Variants in SLCO4C1 observed in about 807,000 individuals in gnomAD.
SLCO4C1 encodes the protein organic anion transporter M1.
In SLCO4C1, 58 loss-of-function variants were observed where a neutral mutation model predicts 72.1. The observed-to-expected ratio is 0.80, with a 90% confidence interval of 0.65 to 1.00. The LOEUF is 1.00. SLCO4C1 is among the 50% of genes least tolerant of loss of function. The pLI is 0.00. For synonymous variants in SLCO4C1, 297 were observed against 312.5 expected (o/e 0.95, Z 0.52); for missense variants, 898 against 857.9 (o/e 1.05, Z -0.58).
intron 2 of SLCO4C1, among the ~76,000 whole-genome samples, chr5:102,287,938 G>A (rs1749486953): frequency 6.6e-6 from 1 of 151,888 alleles, no homozygotes. Context: ...CCTGAATTTT[G>A]TGTCTGTCAT....
rs562300474 is a variant in SLCO4C1 at position 102,237,162 on chromosome 5, A to G, written c.2015-144T>C. On this transcript the variant is annotated intron_variant, in intron 12 of 12. Coordinates refer to ENST00000310954, the MANE Select transcript of SLCO4C1 (RefSeq NM_180991.5). ...GTTCTATGTTTAAAATTTTTGAAACATTAAGGGGAAAGAAAAAACATTTGT... is the reference window on the plus strand; with the variant it reads ...GTTCTATGTTTAAAATTTTTGAAACGTTAAGGGGAAAGAAAAAACATTTGT... 19 of 847,992 alleles carry G rather than the reference A, an allele frequency of 2.2e-5. 1 individual carries two copies. In the South Asian group the frequency reaches 3.6e-4, roughly 16 times the overall value. The allele number at this position is 847,992 out of a possible 1,614,324, so 52.5% of individuals were successfully genotyped here.
chr5:102,249,702 C>T lies in SLCO4C1; in HGVS notation c.1556G>A (p.Gly519Glu). The T allele has an allele frequency of 1.2e-6, 2 of 1,613,950 alleles. No individual in the cohort carries two copies. The highest frequency in any genetic ancestry group is 1.7e-6 in the Non-Finnish European group (2 of 1,179,930). Reference protein sequence around the residue: ...RSYYYPVCGDGVQYFSPCFAG... With the variant: ...RSYYYPVCGDEVQYFSPCFAG... ...AAAGCAGGGAGAAAAATATTGGACT[C>T]CATCTCCACAGACAGGATAATAATA... Residue 519 changes from glycine to glutamate, a missense_variant, in exon 9 of 13, where the codon GGA becomes GAA. Gly to Glu is a moderately conservative substitution (Grantham distance 98). Transcript: ENST00000310954.
At chr5:102,270,361 G>A (rs1168136591) in intron 3 of SLCO4C1, among the ~76,000 whole-genome samples, 2 of 152,172 alleles carry the variant, frequency 1.3e-5, no homozygotes, top group South Asian at 2.1e-4. Flanking sequence ...TAAAGAGAAT[G>A]CTGCTTAAAT....
chr5:102,289,154 C>T (rs75957148), intron 2 of SLCO4C1, among the ~76,000 whole-genome samples: 6,921 of 152,180 alleles, frequency 0.045, 215 homozygotes, highest in African/African-American at 0.094. Flanking sequence ...CAATAATCTA[C>T]TAAAATAATG....
Position 102,291,592 on chromosome 5 carries a change from C to T in SLCO4C1, c.370G>A (p.Gly124Ser), listed in dbSNP as rs1749553754. Residue 124 changes from glycine to serine, a missense_variant, in exon 2 of 13, where the codon GGC becomes AGC. Physicochemically the swap from Gly to Ser is moderately conservative, Grantham distance 56 (BLOSUM62 0). Transcript: ENST00000310954. ...LAVTQGIVVN[G>S]LVNISISTVE... ...GTGGAAATGCTAATATTTACTAGGC[C>T]ATTAACTACAATACCTAAAAAACAG... is the stretch of plus-strand genomic sequence containing the variant. 3 of 1,610,782 alleles carry T rather than the reference C, an allele frequency of 1.9e-6. No homozygotes were observed. The highest frequency in any genetic ancestry group is 2.5e-6 in the Non-Finnish European group (3 of 1,178,648).
At chr5:102,255,934 G>A (rs888909847) in intron 8 of SLCO4C1, among the ~76,000 whole-genome samples, 2 of 151,376 alleles carry the variant, frequency 1.3e-5, no homozygotes, top group African/African-American at 2.4e-5. Flanking sequence ...GGCCGGGCGC[G>A]GTGGCTCACA....
intron 4 of SLCO4C1, among the ~76,000 whole-genome samples, chr5:102,263,096 C>T (rs930271311): frequency 5.3e-5 from 8 of 152,144 alleles, no homozygotes; most frequent in Admixed American, 5.2e-4. Flanking sequence ...TAGCCACTTA[C>T]CAACCTGTGC....
At chr5:102,293,614 A>G (rs928116218) in intron 1 of SLCO4C1, among the ~76,000 whole-genome samples, 2 of 152,250 alleles carry the variant, frequency 1.3e-5, no homozygotes, top group African/African-American at 4.8e-5. Flanking sequence ...AATTAAATGT[A>G]TATTTAAATA....
chr5:102,236,610 G>A lies in SLCO4C1; in HGVS notation c.*248C>T, dbSNP rs1017491101. 28 of 332,270 alleles carry A rather than the reference G, an allele frequency of 8.4e-5. No homozygotes were observed. The Admixed American group carries it at 1.6e-3, about 18-fold the overall frequency. 20.6% of individuals were successfully genotyped at this position (332,270 alleles called of 1,614,324 possible). On this transcript the variant is annotated 3_prime_UTR_variant, in exon 13 of 13. Transcript: ENST00000310954. Reference sequence around the variant, plus strand: ...TGTGTGTGTGTGTGTGTGTTCGTGTGTGTGTGTGTGTGTGTGCTCGTGTGT... The same window carrying A: ...TGTGTGTGTGTGTGTGTGTTCGTGTATGTGTGTGTGTGTGTGCTCGTGTGT...
intron 2 of SLCO4C1, among the ~76,000 whole-genome samples, chr5:102,281,627 A>G (rs1749357808): frequency 1.3e-5 from 2 of 152,134 alleles, no homozygotes. Context: ...ATGAAAAGAC[A>G]TTTCACCAAA....
intron 2 of SLCO4C1, among the ~76,000 whole-genome samples, chr5:102,284,934 A>G (rs952020487): frequency 2.0e-5 from 3 of 152,254 alleles, no homozygotes; most frequent in African/African-American, 7.2e-5. Context: ...TAGAGCACCT[A>G]GCATTTCATG....
chr5:102,285,212 T>TACACACACACAC (rs3070619), intron 2 of SLCO4C1, among the ~76,000 whole-genome samples: 1,794 of 147,930 alleles, frequency 0.012, 29 homozygotes, highest in African/African-American at 0.042. Context: ...TATATATACA[T>TACACACACACAC]ACACACACAC....
At chr5:102,290,079 TACAAGA>T (rs976957389) in intron 2 of SLCO4C1, among the ~76,000 whole-genome samples, 9 of 152,332 alleles carry the variant, frequency 5.9e-5, no homozygotes, top group Non-Finnish European at 1.2e-4. Flanking sequence ...AGTTCTACTG[TACAAGA>T]ACATACTGCC....
chr5:102,279,461 C>T (rs780947339), intron 2 of SLCO4C1, among the ~76,000 whole-genome samples: 38 of 151,938 alleles, frequency 2.5e-4, no homozygotes, highest in African/African-American at 8.7e-4. Context: ...AATCTATAGG[C>T]TCAAATAGTT....
At chr5:102,280,090 CAAAAAAAAAAAAAA>C (rs36217271) in intron 2 of SLCO4C1, among the ~76,000 whole-genome samples, 14 of 68,858 alleles carry the variant, frequency 2.0e-4, no homozygotes, top group African/African-American at 6.6e-4. Flanking sequence ...TGCAATAAGG[CAAAAAAAAAAAAAA>C]AAAAAAAAAA....
At chr5:102,262,104 T>C in intron 4 of SLCO4C1, 71 bp from the exon 5 acceptor site, 1 of 1,258,324 alleles carries the variant, frequency 7.9e-7, no homozygotes, top group Non-Finnish European at 1.1e-6. Flanking sequence ...AGGATAATCA[T>C]ATACTTTATA....
intron 3 of SLCO4C1, among the ~76,000 whole-genome samples, chr5:102,264,969 T>C (rs1225494980): frequency 6.6e-6 from 1 of 152,066 alleles, no homozygotes; most frequent in Non-Finnish European, 1.5e-5. Flanking sequence ...TCTTTTTTTT[T>C]TATGGCTGAA....
At chr5:102,288,004 G>T (rs1337145020) in intron 2 of SLCO4C1, among the ~76,000 whole-genome samples, 3 of 151,806 alleles carry the variant, frequency 2.0e-5, no homozygotes, top group African/African-American at 7.3e-5. Context: ...AATCACAGGG[G>T]AAAAAAATGC....
chr5:102,252,319 CAAATT>C (rs1217856264), intron 8 of SLCO4C1, among the ~76,000 whole-genome samples: 1 of 151,954 alleles, frequency 6.6e-6, no homozygotes, highest in Non-Finnish European at 1.5e-5. Flanking sequence ...ATGAAGAAAA[CAAATT>C]AAAGAGAAAA....
Sources: allele counts gnomAD v4.1 joint callset (sites outside exome capture counted in the v4.1 genomes callset), GRCh38; gene constraint gnomAD v4.1.1; transcripts MANE v1.5; gene names NCBI Gene and HGNC (gene_info 2026-07-23, HGNC 2026-07-21).